RNF14: variants seen among roughly 807,000 people sequenced by gnomAD.
RNF14 encodes ring finger protein 14.
A neutral mutation model predicts 52.6 loss-of-function variants in RNF14; 26 were observed. The ratio of observed to expected loss-of-function variants is 0.49; its 90% CI spans 0.36 to 0.69. The LOEUF is 0.69. Ranked by LOEUF, RNF14 falls within the 30% of genes least tolerant of loss-of-function variation. The probability of loss-of-function intolerance (pLI) is 0.00; values close to 1 mark genes in which losing one functional copy is unlikely to be tolerated. For missense variants in RNF14, 404 were observed against 560.4 expected, an observed-to-expected ratio of 0.72 and a Z score of 2.82; for synonymous variants, 194 against 202.0, an observed-to-expected ratio of 0.96 and a Z score of 0.34.
At position 141,973,574 on chromosome 5, in the gene RNF14, T is replaced by C. The variant is rs1352238516; in HGVS notation, c.-6-9T>C. On this transcript the variant is annotated splice_polypyrimidine_tract_variant and intron_variant, in intron 2 of 8. Transcript: ENST00000394520. Reference sequence around the variant, plus strand: ...ATTTTCTGTTCTTAACTGATTTTAATGTTTTCAGGTCCTTATGTCGTCAGA... The same window carrying C: ...ATTTTCTGTTCTTAACTGATTTTAACGTTTTCAGGTCCTTATGTCGTCAGA... 2 of 1,601,336 alleles carry C rather than the reference T, an allele frequency of 1.2e-6. No homozygotes were observed. The highest frequency in any genetic ancestry group is 1.7e-6 in the Non-Finnish European group (2 of 1,175,920).
the RNF14 span, chr5:141,951,612 T>C: frequency 6.4e-7 from 1 of 1,561,284 alleles, no homozygotes; most frequent in Non-Finnish European, 8.8e-7. Flanking sequence ...GAAAAATCTG[T>C]TGACTCCACA....
chr5:141,959,400 G>T (rs1753235898), intron 1 of RNF14, among the ~76,000 whole-genome samples: 1 of 152,104 alleles, frequency 6.6e-6, no homozygotes, highest in South Asian at 2.1e-4. Flanking sequence ...TGGGCTTTGA[G>T]GTGGCCTTAT....
At chr5:141,970,498 T>TA (rs35006338) in intron 1 of RNF14, 17,229 of 152,214 alleles carry the variant, frequency 0.11, 1,212 homozygotes, top group African/African-American at 0.19. Flanking sequence ...GGCAGACAGA[T>TA]AAAAAGTCCT....
At chr5:141,955,588 G>C, upstream of RNF14, 1 of 1,614,140 alleles carries the variant, frequency 6.2e-7, no homozygotes. This position sits in a 1 kb window ranked among gnomAD's most constrained non-coding sequence, Gnocchi z 5.5. Context: ...GGTGGACTCG[G>C]CCTCCCGACA....
the RNF14 span, among the ~76,000 whole-genome samples, chr5:141,950,460 C>T: frequency 3.3e-5 from 5 of 152,150 alleles, no homozygotes; most frequent in Non-Finnish European, 5.9e-5. Context: ...AGGCCTTATG[C>T]GATGCAAGGT....
Position 141,988,583 on chromosome 5 carries a change from C to T in RNF14, c.*793C>T, listed in dbSNP as rs1224776726. The T allele has an allele frequency of 6.6e-6, 1 of 152,256 alleles. No individual in the cohort carries two copies. Among genetic ancestry groups the T allele is most frequent in the African/African-American group, 2.4e-5 (1 of 41,416 alleles). 9.4% of individuals were successfully genotyped at this position (152,256 alleles called of 1,614,324 possible). On this transcript the variant is annotated 3_prime_UTR_variant, in exon 9 of 9. Coordinates refer to ENST00000394520, the MANE Select transcript of RNF14 (RefSeq NM_004290.5). ...GCTTGTCTTTGCTACTTTTGTTCCACATTCTCTCTCTTTACCTTTGCCCTA... is the reference window on the plus strand; with the variant it reads ...GCTTGTCTTTGCTACTTTTGTTCCATATTCTCTCTCTTTACCTTTGCCCTA...
intron 8 of RNF14, among the ~76,000 whole-genome samples, chr5:141,986,536 G>A (rs1196361489): frequency 2.6e-5 from 4 of 152,144 alleles, no homozygotes; most frequent in African/African-American, 4.8e-5. Flanking sequence ...TATTGTATAC[G>A]CTGAGTATCA....
intron 8 of RNF14, among the ~76,000 whole-genome samples, chr5:141,985,595 G>A (rs750104224): frequency 3.6e-4 from 55 of 151,480 alleles, no homozygotes; most frequent in African/African-American, 8.5e-4. Context: ...TCGCTCTGTC[G>A]CCCAGGCTGG....
Position 141,988,066 on chromosome 5 carries a change from A to G in RNF14, c.*276A>G. 1 of 356,898 alleles carries G rather than the reference A, an allele frequency of 2.8e-6. No homozygotes were observed. Among genetic ancestry groups the G allele is most frequent in the Non-Finnish European group, 5.1e-6 (1 of 195,844 alleles). 22.1% of individuals were successfully genotyped at this position (356,898 alleles called of 1,614,324 possible). ...AATGTGCCCAAAGCTCTGAATAGTT[A>G]AAAATTAAATATTTATTTTCTTCCC... is the stretch of plus-strand genomic sequence containing the variant. On this transcript the variant is annotated 3_prime_UTR_variant, in exon 9 of 9. Coordinates refer to ENST00000394520, the MANE Select transcript of RNF14 (RefSeq NM_004290.5).
rs1596704870 is a variant in RNF14, at chr5:141,983,228, T to C, written c.1064-152T>C. On this transcript the variant is annotated intron_variant, in intron 6 of 8. Coordinates refer to ENST00000394520, the MANE Select transcript of RNF14 (RefSeq NM_004290.5). ...ATTTAATTTTTTTGCCATTGTTATA[T>C]GCATCTCCATGCATATGACTTTGGA... 5.1e-6 allele frequency: 3 copies of C among 591,684 alleles called. No homozygotes were observed. In the East Asian group the frequency reaches 9.3e-5, roughly 18 times the overall value. The allele number at this position is 591,684 out of a possible 1,614,324, so 36.7% of individuals were successfully genotyped here.
upstream of RNF14, among the ~76,000 whole-genome samples, chr5:141,967,782 T>C (rs1325688345): frequency 6.6e-6 from 1 of 152,250 alleles, no homozygotes; most frequent in Non-Finnish European, 1.5e-5. Flanking sequence ...AACATTTCTG[T>C]ATTCCACTTA....
chr5:141,978,332 C>T lies in RNF14; in HGVS notation c.336C>T (p.Asn112=), dbSNP rs1423835064. Residue 112 remains asparagine (N), a synonymous_variant, in exon 5 of 9, where the codon AAC becomes AAT. Transcript: ENST00000394520. ...CTGCTCTATGCAAGCACTTAGACAA[C>T]CTATGGGAAGAACACCGTGGCAGCG... ...QLSALCKHLD[N]LWEEHRGSVV... is the part of the protein sequence containing the mutation. 3.1e-6 allele frequency: 5 copies of T among 1,610,770 alleles called. No individual in the cohort carries two copies. Among genetic ancestry groups the T allele is most frequent in the Non-Finnish European group, 4.2e-6 (5 of 1,178,092 alleles).
At chr5:141,957,674 T>A (rs770910818), upstream of RNF14, 9 of 1,614,056 alleles carry the variant, frequency 5.6e-6, no homozygotes, top group Non-Finnish European at 6.8e-6. This position sits in a 1 kb window ranked among gnomAD's most constrained non-coding sequence, Gnocchi z 4.3. Context: ...CCAGCTTGCC[T>A]CCGCCTCTCC....
chr5:141,957,525 A>T, upstream of RNF14: 1 of 1,614,194 alleles, frequency 6.2e-7, no homozygotes, highest in Non-Finnish European at 8.5e-7. This position sits in a 1 kb window ranked among gnomAD's most constrained non-coding sequence, Gnocchi z 4.3. Flanking sequence ...TGGCAAGCAC[A>T]TCAAAGGAAA....
rs1431124644 is a variant in RNF14 at position 141,971,385 on chromosome 5, G to T, written c.-7+508G>T. Among the ~76,000 whole-genome samples, 3 of 151,894 alleles carry T rather than the reference G, an allele frequency of 2.0e-5. No homozygotes were observed. In the East Asian group the frequency reaches 5.8e-4, roughly 29 times the overall value. ...GTCTCCTGAGTAGCTGGGACTACAG[G>T]CACACACCACCACACCTGGCTAATT... On this transcript the variant is annotated intron_variant, in intron 2 of 8. Transcript: ENST00000394520.
At chr5:141,963,204 T>G (rs1252603513), upstream of RNF14, 2 of 152,252 alleles carry the variant, frequency 1.3e-5, no homozygotes, top group Non-Finnish European at 2.9e-5. Context: ...AGCTATCTTC[T>G]GTCCTTTCCT....
At chr5:141,964,508 A>C (rs1561538723), upstream of RNF14, among the ~76,000 whole-genome samples, 1 of 152,218 alleles carries the variant, frequency 6.6e-6, no homozygotes, top group Non-Finnish European at 1.5e-5. Context: ...AACATACAGC[A>C]CTTAGAGTGG....
At chr5:141,985,478 G>T (rs1395365449) in intron 8 of RNF14, among the ~76,000 whole-genome samples, 1 of 152,096 alleles carries the variant, frequency 6.6e-6, no homozygotes, top group Non-Finnish European at 1.5e-5. Context: ...TTCAGTCATT[G>T]TATTTGGTTC....
At chr5:141,956,758 T>G (rs1305986613), upstream of RNF14, 4 of 1,614,244 alleles carry the variant, frequency 2.5e-6, no homozygotes, top group Non-Finnish European at 3.4e-6. Context: ...GGGAAGAGCT[T>G]CTGACACCAG....
Sources: allele counts gnomAD v4.1 joint callset (sites outside exome capture counted in the v4.1 genomes callset), GRCh38; gene constraint gnomAD v4.1.1; non-coding constraint Gnocchi (gnomAD v3.1); transcripts MANE v1.5; gene names NCBI Gene and HGNC (gene_info 2026-07-23, HGNC 2026-07-21).